Variants in SSH2 observed in about 807,000 individuals in gnomAD.
SSH2 encodes the protein protein phosphatase Slingshot homolog 2.
A neutral mutation model predicts 135.2 loss-of-function variants in SSH2; 37 were observed. The ratio of observed to expected loss-of-function variants is 0.27; its 90% CI spans 0.21 to 0.36. SSH2 has a LOEUF of 0.36. SSH2 is among the 10% of genes least tolerant of loss of function. SSH2 has a pLI of 1.00. For missense variants in SSH2, 1,408 were observed against 1,765.3 expected (o/e 0.80, Z 3.63); for synonymous variants, 628 against 646.2 (o/e 0.97, Z 0.43).
At chr17:29,725,369 A>G (rs986489126) in intron 3 of SSH2, among the ~76,000 whole-genome samples, 1 of 150,416 alleles carries the variant, frequency 6.6e-6, no homozygotes, top group African/African-American at 2.4e-5. Context: ...AAAAAAAAAA[A>G]GCCAGGGAAT....
In SSH2 at chr17:29,767,376, CTTTTTT is replaced by C. The variant is rs59803619; in HGVS notation, c.188+26512_188+26517del. On this transcript the variant is annotated intron_variant, in intron 3 of 15. Coordinates refer to ENST00000540801, the MANE Select transcript of SSH2 (RefSeq NM_001282129.2). ...TATCTCTTTAAACGTTTTCTTTTTT[CTTTTTT>C]TTTTTTAGACCTCTCAGGGATGAAA... Among the ~76,000 whole-genome samples the C allele has an allele frequency of 3.0e-3, 441 of 145,140 alleles. 2 individuals carry two copies. The highest frequency in any genetic ancestry group is 0.011 in the African/African-American group (420 of 39,924).
intron 3 of SSH2, among the ~76,000 whole-genome samples, chr17:29,780,073 C>T (rs906668076): frequency 6.6e-6 from 1 of 151,658 alleles, no homozygotes; most frequent in Admixed American, 6.6e-5. Context: ...AAAAATTAGC[C>T]GGGCATGATG....
chr17:29,922,885 T>C (rs1040526276), intron 1 of SSH2, among the ~76,000 whole-genome samples: 1 of 152,242 alleles, frequency 6.6e-6, no homozygotes, highest in African/African-American at 2.4e-5. Flanking sequence ...GTAACTTTTC[T>C]AGAAAATATA....
intron 11 of SSH2, 87 bp from the exon 12 acceptor site, chr17:29,655,694 A>G: frequency 2.4e-6 from 3 of 1,224,786 alleles, no homozygotes; most frequent in Non-Finnish European, 3.6e-6. Context: ...AGAACTTTCA[A>G]AAAGAAGACT....
intron 3 of SSH2, among the ~76,000 whole-genome samples, chr17:29,742,255 C>G (rs185585836): frequency 6.7e-6 from 1 of 149,996 alleles, no homozygotes; most frequent in African/African-American, 2.5e-5. Context: ...AAGACTAGTT[C>G]GGTTAAAAAC....
chr17:29,740,011 T>C (rs890912236), intron 3 of SSH2, among the ~76,000 whole-genome samples: 1 of 152,342 alleles, frequency 6.6e-6, no homozygotes, highest in Admixed American at 6.5e-5. Flanking sequence ...CTGGCTGCAA[T>C]TCAGTTTTTG....
chr17:29,634,029 A>G (rs957714474), intron 15 of SSH2, among the ~76,000 whole-genome samples: 2 of 152,324 alleles, frequency 1.3e-5, no homozygotes, highest in Non-Finnish European at 2.9e-5. Context: ...TGCATGGGCC[A>G]TGGAGGGAGG....
At chr17:29,673,737 T>C (rs769612346) in intron 8 of SSH2, among the ~76,000 whole-genome samples, 61 of 152,300 alleles carry the variant, frequency 4.0e-4, no homozygotes, top group Admixed American at 1.4e-3. Context: ...TTTTTGGCTA[T>C]GCATAGATGT....
intron 2 of SSH2, among the ~76,000 whole-genome samples, chr17:29,816,073 T>C (rs1453506545): frequency 6.6e-6 from 1 of 152,078 alleles, no homozygotes; most frequent in Non-Finnish European, 1.5e-5. Context: ...GGTCTTGAGC[T>C]CCTGGCCTCA....
chr17:29,730,608 T>C (rs1310431004), intron 3 of SSH2, among the ~76,000 whole-genome samples: 2 of 151,864 alleles, frequency 1.3e-5, no homozygotes, highest in Non-Finnish European at 2.9e-5. Context: ...GCTAATTTTT[T>C]TGGTAATTTT....
intron 9 of SSH2, 83 bp from the exon 10 acceptor site, chr17:29,667,306 C>T (rs1393957213): frequency 9.5e-7 from 1 of 1,057,400 alleles, no homozygotes; most frequent in South Asian, 1.6e-5. Flanking sequence ...GAAGAATGAT[C>T]CTGTCTTCTT....
chr17:29,865,537 T>C (rs911449913), intron 1 of SSH2, among the ~76,000 whole-genome samples: 1 of 152,198 alleles, frequency 6.6e-6, no homozygotes, highest in South Asian at 2.1e-4. Flanking sequence ...TAAGGAAGAA[T>C]CATGGATACC....
intron 1 of SSH2, among the ~76,000 whole-genome samples, chr17:29,873,866 T>G (rs1018509414): frequency 6.6e-6 from 1 of 152,196 alleles, no homozygotes; most frequent in Non-Finnish European, 1.5e-5. Flanking sequence ...TAGGGAAAGT[T>G]CTTGGCAAAT....
chr17:29,671,843 C>T, intron 9 of SSH2, 92 bp downstream of exon 9: 1 of 1,115,196 alleles, frequency 9.0e-7, no homozygotes. Flanking sequence ...AGATTAACTC[C>T]CCAAGAGAAA....
Position 29,630,780 on chromosome 17 carries a change from A to C in SSH2, c.*61T>G. On this transcript the variant is annotated 3_prime_UTR_variant, in exon 16 of 16. Coordinates refer to ENST00000540801, the MANE Select transcript of SSH2 (RefSeq NM_001282129.2). ...AACCAATAAAGTGCATGTTCCTTACATATTACACCTGCCCCTTTTACAAAC... is the reference window on the plus strand; with the variant it reads ...AACCAATAAAGTGCATGTTCCTTACCTATTACACCTGCCCCTTTTACAAAC... 6.8e-7 allele frequency: 1 copy of C among 1,467,548 alleles called. No individual in the cohort carries two copies. Among genetic ancestry groups the C allele is most frequent in the South Asian group, 1.4e-5 (1 of 72,432 alleles). The allele number at this position is 1,467,548 out of a possible 1,614,324, so 90.9% of individuals were successfully genotyped here.
intron 1 of SSH2, among the ~76,000 whole-genome samples, chr17:29,886,887 C>T (rs940962151): frequency 3.9e-5 from 6 of 152,038 alleles, no homozygotes; most frequent in Non-Finnish European, 8.8e-5. Context: ...CCAATTATAG[C>T]GCTCCTTCAA....
chr17:29,715,477 C>T (rs1461660021), intron 3 of SSH2, among the ~76,000 whole-genome samples: 1 of 151,228 alleles, frequency 6.6e-6, no homozygotes, highest in Non-Finnish European at 1.5e-5. Context: ...GATCTCCTGA[C>T]CTCGTGATCC....
chr17:29,803,205 T>C (rs1036698551), intron 2 of SSH2, among the ~76,000 whole-genome samples: 3 of 152,188 alleles, frequency 2.0e-5, no homozygotes, highest in African/African-American at 7.2e-5. Flanking sequence ...TATTTTATGA[T>C]TTTATGGGTC....
chr17:29,799,645 T>A (rs1453759001), intron 2 of SSH2, among the ~76,000 whole-genome samples: 1 of 152,188 alleles, frequency 6.6e-6, no homozygotes, highest in Non-Finnish European at 1.5e-5. Context: ...TTTTGGTGGA[T>A]TTTTCTACCT....
Sources: allele counts gnomAD v4.1 joint callset (sites outside exome capture counted in the v4.1 genomes callset), GRCh38; gene constraint gnomAD v4.1.1; transcripts MANE v1.5; gene names NCBI Gene and HGNC (gene_info 2026-07-23, HGNC 2026-07-21).